The following FUT8 variants were observed in gnomAD, a reference collection of about 807,000 sequenced individuals.
The protein encoded by FUT8 is fucosyltransferase 8.
In FUT8, 29 loss-of-function variants were observed where a neutral mutation model predicts 71.3. The ratio of observed to expected loss-of-function variants is 0.41; its 90% CI spans 0.30 to 0.55. FUT8 has a LOEUF of 0.55. FUT8 is among the 20% of genes least tolerant of loss of function. The probability of loss-of-function intolerance (pLI) is 0.34; values close to 1 mark genes in which losing one functional copy is unlikely to be tolerated. For synonymous variants in FUT8, 254 were observed against 239.3 expected (o/e 1.06, Z -0.57); for missense variants, 544 against 702.1 (o/e 0.77, Z 2.55).
chr14:65,511,706 T>C (rs1368886336), intron 2 of FUT8, among the ~76,000 whole-genome samples: 1 of 152,230 alleles, frequency 6.6e-6, no homozygotes, highest in South Asian at 2.1e-4. Context: ...GATACAAATA[T>C]AGCTTCTCCT....
At chr14:65,411,529 T>G, upstream of FUT8, 1 of 167,898 alleles carries the variant, frequency 6.0e-6, no homozygotes, top group Non-Finnish European at 1.3e-5. Flanking sequence ...TTTATGAATA[T>G]TAGGCAGATT....
At chr14:65,509,995 CA>C (rs929944844) in intron 2 of FUT8, among the ~76,000 whole-genome samples, 29 of 152,110 alleles carry the variant, frequency 1.9e-4, no homozygotes, top group African/African-American at 6.3e-4. Context: ...TGAAAGTGGG[CA>C]TCCTTGTTAT....
chr14:65,695,232 A>G (rs1248134595), intron 7 of FUT8, among the ~76,000 whole-genome samples: 1 of 152,156 alleles, frequency 6.6e-6, no homozygotes, highest in East Asian at 1.9e-4. Context: ...CCTGCTGGTT[A>G]TGTCAATTAC....
intron 7 of FUT8, among the ~76,000 whole-genome samples, chr14:65,686,589 A>G (rs911305434): frequency 6.6e-6 from 1 of 152,220 alleles, no homozygotes; most frequent in African/African-American, 2.4e-5. Context: ...TTTGTTAAGA[A>G]CAGTTTGTAC....
At chr14:65,554,708 C>G (rs971070119) in intron 2 of FUT8, among the ~76,000 whole-genome samples, 1 of 152,066 alleles carries the variant, frequency 6.6e-6, no homozygotes, top group Non-Finnish European at 1.5e-5. Flanking sequence ...CAGTAGTGGA[C>G]TGCTTGCTGC....
At chr14:65,616,175 T>C (rs996849814) in intron 4 of FUT8, 36 bp from the exon 5 acceptor site, 2 of 1,596,972 alleles carry the variant, frequency 1.3e-6, no homozygotes, top group African/African-American at 1.4e-5. Flanking sequence ...TATCAAAATG[T>C]TGGAAATGCT....
chr14:65,652,470 G>A lies in FUT8; in HGVS notation c.598-16773G>A, dbSNP rs1891457175. On this transcript the variant is annotated intron_variant, in intron 6 of 10. Transcript: ENST00000673929. This position sits in a 1 kb window ranked among gnomAD's most constrained non-coding sequence, Gnocchi z 4.0. ...GGATATGATGTGAGAAGCTTGAGAG[G>A]ACATGATGCTTTGGAGCTGTTACAA... is the stretch of plus-strand genomic sequence containing the variant. Among the ~76,000 whole-genome samples, 1 of 152,178 alleles carries A rather than the reference G, an allele frequency of 6.6e-6. No individual in the cohort carries two copies. Among genetic ancestry groups the A allele is most frequent in the South Asian group, 2.1e-4 (1 of 4,826 alleles).
chr14:65,573,608 AGCT>A (rs1421856376), intron 3 of FUT8, among the ~76,000 whole-genome samples: 6 of 152,186 alleles, frequency 3.9e-5, no homozygotes, highest in African/African-American at 1.4e-4. Context: ...CTGTAGTCCT[AGCT>A]GCTAGGAAAG....
chr14:65,694,743 G>T lies in FUT8; in HGVS notation c.835+25263G>T, dbSNP rs1893895691. On this transcript the variant is annotated intron_variant, in intron 7 of 10. Coordinates refer to ENST00000673929, the MANE Select transcript of FUT8 (RefSeq NM_001371533.1). ...AAATGATGAGTTCATGTCCTTTGTAGGGACATGGATGAAATTGGAAATCAT... is the reference window on the plus strand; with the variant it reads ...AAATGATGAGTTCATGTCCTTTGTATGGACATGGATGAAATTGGAAATCAT... 1.3e-5 allele frequency among the ~76,000 whole-genome samples: 2 copies of T among 151,872 alleles called. 1 individual carries two copies. Among genetic ancestry groups the T allele is most frequent in the South Asian group, 4.2e-4 (2 of 4,798 alleles).
At position 65,561,685 on chromosome 14, in the gene FUT8, G is replaced by A. The variant is rs771685724; in HGVS notation, c.122G>A (p.Arg41Gln). Residue 41 changes from arginine to glutamine, a missense_variant, in exon 3 of 11, where the codon CGA (arginine) becomes CAA (glutamine). Transcript: ENST00000673929. ...AATGACCATCCTGATCACTCTAGCC[G>A]AGAACTGTCCAAGATTCTGGCAAAG... The part of the protein sequence containing the change: ...RDNDHPDHSS[R>Q]ELSKILAKLE... 5.0e-6 allele frequency: 8 copies of A among 1,613,376 alleles called. No individual in the cohort carries two copies. The Admixed American group carries it at 6.7e-5, about 13-fold the overall frequency.
At chr14:65,365,876 C>T in the FUT8 span, among the ~76,000 whole-genome samples, 5 of 151,814 alleles carry the variant, frequency 3.3e-5, no homozygotes, top group East Asian at 1.9e-4. Flanking sequence ...CTTGTTCTGT[C>T]GCCCAGGCTA....
intron 1 of FUT8, among the ~76,000 whole-genome samples, chr14:65,446,841 T>C (rs2065749989): frequency 6.6e-6 from 1 of 151,990 alleles, no homozygotes; most frequent in Non-Finnish European, 1.5e-5. Flanking sequence ...TCCCTTTCCT[T>C]TCCTTACTTT....
chr14:65,422,655 G>A (rs1166134017), intron 1 of FUT8, among the ~76,000 whole-genome samples: 1 of 151,578 alleles, frequency 6.6e-6, no homozygotes, highest in Admixed American at 6.6e-5. Flanking sequence ...GCACCACTAT[G>A]CCTGGCTAAT....
intron 2 of FUT8, among the ~76,000 whole-genome samples, chr14:65,488,889 C>G (rs1245126070): frequency 6.6e-6 from 1 of 152,046 alleles, no homozygotes; most frequent in Non-Finnish European, 1.5e-5. Flanking sequence ...CCTTCCTAAT[C>G]AAGTTCACCA....
chr14:65,737,327 C>A (rs936167169), intron 10 of FUT8, among the ~76,000 whole-genome samples: 1 of 152,050 alleles, frequency 6.6e-6, no homozygotes, highest in African/African-American at 2.4e-5. Context: ...ATAGCACAGT[C>A]CTCAGGATTT....
At chr14:65,695,818 A>G (rs1456606435) in intron 7 of FUT8, among the ~76,000 whole-genome samples, 2 of 151,524 alleles carry the variant, frequency 1.3e-5, no homozygotes, top group Admixed American at 6.6e-5. Context: ...GTCCTTTTTT[A>G]TCTTCCTCTA....
chr14:65,555,802 G>A (rs1694608544), intron 2 of FUT8, among the ~76,000 whole-genome samples: 1 of 152,132 alleles, frequency 6.6e-6, no homozygotes, highest in Admixed American at 6.6e-5. Flanking sequence ...TAATCTAGTA[G>A]TTATTCTTTC....
At chr14:65,484,277 T>C (rs74056794) in intron 2 of FUT8, among the ~76,000 whole-genome samples, 9 of 152,170 alleles carry the variant, frequency 5.9e-5, no homozygotes, top group African/African-American at 1.4e-4. Context: ...ACCTCTGATA[T>C]AATGTTGAAT....
chr14:65,669,327 G>T lies in FUT8; in HGVS notation c.682G>T (p.Val228Phe), dbSNP rs754197974. 6 of 1,613,874 alleles carry T rather than the reference G, an allele frequency of 3.7e-6. No homozygotes were observed. The highest frequency in any genetic ancestry group is 5.1e-6 in the Non-Finnish European group (6 of 1,179,894). Residue 228 changes from valine to phenylalanine, a missense_variant, in exon 7 of 11, where the codon GTC becomes TTC. By Grantham distance (50) the Val-to-Phe change is conservative. Transcript: ENST00000673929. This position sits in a 1 kb window ranked among gnomAD's most constrained non-coding sequence, Gnocchi z 4.5. ...CTATGGCTGTCAGCTCCATCATGTGGTCTACTGCTTCATGATTGCATATGG... is the reference window on the plus strand; with the variant it reads ...CTATGGCTGTCAGCTCCATCATGTGTTCTACTGCTTCATGATTGCATATGG... ...CGYGCQLHHV[V>F]YCFMIAYGTQ...
Sources: allele counts gnomAD v4.1 joint callset (sites outside exome capture counted in the v4.1 genomes callset), GRCh38; gene constraint gnomAD v4.1.1; non-coding constraint Gnocchi (gnomAD v3.1); transcripts MANE v1.5; gene names NCBI Gene and HGNC (gene_info 2026-07-23, HGNC 2026-07-21).